Variants in IER3IP1 observed in about 807,000 individuals in gnomAD.
IER3IP1 encodes immediate early response 3 interacting protein 1.
In IER3IP1, 16 loss-of-function variants were observed where a neutral mutation model predicts 12.2. That is an observed-to-expected ratio of 1.31 (90% confidence interval 0.89 to 1.99). The LOEUF is 1.99. Ranked by LOEUF, IER3IP1 falls within the 30% of genes most tolerant of loss-of-function variation. The pLI is 0.00. For missense variants in IER3IP1, 95 were observed against 95.8 expected (o/e 0.99, Z 0.03); for synonymous variants, 42 against 40.0 (o/e 1.05, Z -0.19).
intron 1 of IER3IP1, among the ~76,000 whole-genome samples, chr18:47,159,980 G>A (rs2063974674): frequency 6.6e-6 from 1 of 152,114 alleles, no homozygotes; most frequent in African/African-American, 2.4e-5. Context: ...CGGATCACCT[G>A]AGGTCGGGAG....
chr18:47,173,281 G>A (rs2064020867), intron 1 of IER3IP1, among the ~76,000 whole-genome samples: 1 of 152,154 alleles, frequency 6.6e-6, no homozygotes, highest in South Asian at 2.1e-4. Flanking sequence ...AACCCAGAGG[G>A]CCAAGAGATC....
At chr18:47,168,600 T>A (rs990101318) in intron 1 of IER3IP1, among the ~76,000 whole-genome samples, 1 of 152,224 alleles carries the variant, frequency 6.6e-6, no homozygotes, top group Admixed American at 6.5e-5. Context: ...CCACAGTTCA[T>A]TCTTTTTCAT....
At position 47,155,194 on chromosome 18, in the gene IER3IP1, C is replaced by T. The variant is rs1455736358; in HGVS notation, c.*983G>A. The T allele has an allele frequency of 3.9e-5, 6 of 152,134 alleles. No individual in the cohort carries two copies. The highest frequency in any genetic ancestry group is 1.2e-4 in the African/African-American group (5 of 41,424). 9.4% of individuals were successfully genotyped at this position (152,134 alleles called of 1,614,324 possible). The stretch of plus-strand genomic sequence containing the variant: ...AAAACTGTATTATGAGATAGGCAAA[C>T]AATCTCACAAGATGGTCTGAGACAT... On this transcript the variant is annotated 3_prime_UTR_variant, in exon 3 of 3. Coordinates refer to ENST00000256433, the MANE Select transcript of IER3IP1 (RefSeq NM_016097.5).
intron 1 of IER3IP1, among the ~76,000 whole-genome samples, chr18:47,164,406 T>C (rs996645203): frequency 6.6e-6 from 1 of 151,904 alleles, no homozygotes; most frequent in Admixed American, 6.6e-5. Context: ...CTAAAACAAA[T>C]AGTTTACCCT....
At chr18:47,175,445 A>G (rs1024336880) in intron 1 of IER3IP1, among the ~76,000 whole-genome samples, 3 of 139,110 alleles carry the variant, frequency 2.2e-5, no homozygotes, top group African/African-American at 8.2e-5. Context: ...CTTCCCCTCC[A>G]CACCCAACTC....
rs943846309 is a variant in IER3IP1, at chr18:47,157,211, T to C, written c.193+225A>G. On this transcript the variant is annotated intron_variant, in intron 2 of 2. Transcript: ENST00000256433. ...ACAGGTAACACACAAACAGATTATA[T>C]GTATTATACTAAGCATTCTATTTGT... The C allele has an allele frequency of 7.3e-6, 4 of 551,248 alleles. No homozygotes were observed. The African/African-American group carries it at 7.6e-5, about 10-fold the overall frequency. 34.1% of individuals were successfully genotyped at this position (551,248 alleles called of 1,614,324 possible).
chr18:47,163,512 G>A (rs542895510), intron 1 of IER3IP1, among the ~76,000 whole-genome samples: 2 of 152,300 alleles, frequency 1.3e-5, no homozygotes, highest in South Asian at 4.1e-4. Context: ...GTGATTGACT[G>A]CATGTAACTG....
rs1600005869 is a variant in IER3IP1 at position 47,176,278 on chromosome 18, G to A, written c.-1C>T. 1.2e-6 allele frequency: 2 copies of A among 1,602,256 alleles called. No individual in the cohort carries two copies. The highest frequency in any genetic ancestry group is 1.3e-5 in the African/African-American group (1 of 74,798). ...GCAGTGAGTACAGGGTAAAGGCCAT[G>A]GCCGTCCGAGGCCGCCCCGAAGTCC... is the stretch of plus-strand genomic sequence containing the variant. On this transcript the variant is annotated 5_prime_UTR_variant, in exon 1 of 3. Transcript: ENST00000256433.
In IER3IP1 at chr18:47,155,981, T is replaced by G. The variant is rs2063957291; in HGVS notation, c.*196A>C. ...TGGAGAGTTACTGCCTTTCATGATC[T>G]GATCTTTTGTAATGAAACTACAAGT... On this transcript the variant is annotated 3_prime_UTR_variant, in exon 3 of 3. Coordinates refer to ENST00000256433, the MANE Select transcript of IER3IP1 (RefSeq NM_016097.5). The G allele has an allele frequency of 7.2e-6, 4 of 552,478 alleles. No individual in the cohort carries two copies. The East Asian group carries it at 1.2e-4, about 17-fold the overall frequency. 34.2% of individuals were successfully genotyped at this position (552,478 alleles called of 1,614,324 possible).
At position 47,176,307 on chromosome 18, in the gene IER3IP1, C is replaced by A; in HGVS notation, c.-30G>T. ...GTCCGAGGCCGCCCCGAAGTCCAAGCGATTTCTCTCCCGCCGCCGCAAGGG... is the reference window on the plus strand; with the variant it reads ...GTCCGAGGCCGCCCCGAAGTCCAAGAGATTTCTCTCCCGCCGCCGCAAGGG... On this transcript the variant is annotated 5_prime_UTR_variant, in exon 1 of 3. Transcript: ENST00000256433. 3.8e-6 allele frequency: 6 copies of A among 1,566,092 alleles called. No homozygotes were observed. The highest frequency in any genetic ancestry group is 1.7e-6 in the Non-Finnish European group (2 of 1,150,156).
At chr18:47,165,657 CT>C (rs1266591069) in intron 1 of IER3IP1, among the ~76,000 whole-genome samples, 22 of 151,950 alleles carry the variant, frequency 1.4e-4, no homozygotes, top group Admixed American at 2.0e-4. Context: ...TCAACAAAAG[CT>C]TTTTAAAATT....
intron 1 of IER3IP1, among the ~76,000 whole-genome samples, chr18:47,158,330 C>CT (rs981030563): frequency 9.9e-5 from 15 of 151,218 alleles, no homozygotes; most frequent in Non-Finnish European, 1.6e-4. Flanking sequence ...GTATTTCTTT[C>CT]TTTTTTTTTA....
At chr18:47,174,168 G>A (rs1046956842) in intron 1 of IER3IP1, among the ~76,000 whole-genome samples, 9 of 152,188 alleles carry the variant, frequency 5.9e-5, no homozygotes, top group African/African-American at 2.2e-4. Context: ...AACTCTGGAA[G>A]ATGACATTTG....
chr18:47,167,403 A>C (rs949513446), intron 1 of IER3IP1, among the ~76,000 whole-genome samples: 6 of 152,190 alleles, frequency 3.9e-5, no homozygotes, highest in African/African-American at 1.4e-4. Context: ...CACCTGCACA[A>C]ATTTTGGAAA....
Position 47,154,628 on chromosome 18 carries a change from A to G in IER3IP1, c.*1549T>C, listed in dbSNP as rs2063951940. 1 of 152,232 alleles carries G rather than the reference A, an allele frequency of 6.6e-6. No individual in the cohort carries two copies. Among genetic ancestry groups the G allele is most frequent in the Non-Finnish European group, 1.5e-5 (1 of 68,048 alleles). The allele number at this position is 152,232 out of a possible 1,614,324, so 9.4% of individuals were successfully genotyped here. A position where few individuals can be genotyped will look rare whatever the true frequency, so the allele number is the denominator to read the frequency against. Reference sequence around the variant, plus strand: ...CAGTAGCTCAAACTTGAACTCAGGCATCAGTTCTTTGTAAGGCTAAAAGAA... The same window carrying G: ...CAGTAGCTCAAACTTGAACTCAGGCGTCAGTTCTTTGTAAGGCTAAAAGAA... On this transcript the variant is annotated 3_prime_UTR_variant, in exon 3 of 3. Coordinates refer to ENST00000256433, the MANE Select transcript of IER3IP1 (RefSeq NM_016097.5).
chr18:47,164,248 G>C (rs116004974), intron 1 of IER3IP1, among the ~76,000 whole-genome samples: 2,476 of 151,940 alleles, frequency 0.016, 63 homozygotes, highest in African/African-American at 0.057. Flanking sequence ...GTTAATTGCA[G>C]CCCAGTCTCT....
Position 47,176,310 on chromosome 18 carries a change from T to A in IER3IP1, c.-33A>T, listed in dbSNP as rs1333501017. On this transcript the variant is annotated 5_prime_UTR_variant, in exon 1 of 3. Coordinates refer to ENST00000256433, the MANE Select transcript of IER3IP1 (RefSeq NM_016097.5). ...CGAGGCCGCCCCGAAGTCCAAGCGA[T>A]TTCTCTCCCGCCGCCGCAAGGGACG... is the stretch of plus-strand genomic sequence containing the variant. 3.2e-6 allele frequency: 5 copies of A among 1,559,894 alleles called. No homozygotes were observed. The African/African-American group carries it at 6.8e-5, about 21-fold the overall frequency.
Position 47,157,541 on chromosome 18 carries a change from T to A in IER3IP1, c.92-4A>T. 6.2e-7 allele frequency: 1 copy of A among 1,613,006 alleles called. No homozygotes were observed. On this transcript the variant is annotated splice_polypyrimidine_tract_variant and splice_region_variant and intron_variant, in intron 1 of 2. Transcript: ENST00000256433. Reference sequence around the variant, plus strand: ...CCCTGGTCTGTTCCCCAGCCAACTGTATAATGTAAAGATTAGCTGTGTTAA... The same window carrying A: ...CCCTGGTCTGTTCCCCAGCCAACTGAATAATGTAAAGATTAGCTGTGTTAA...
chr18:47,167,044 T>A (rs938059805), intron 1 of IER3IP1, among the ~76,000 whole-genome samples: 1 of 152,020 alleles, frequency 6.6e-6, no homozygotes, highest in Admixed American at 6.6e-5. Flanking sequence ...ATTCTAATAG[T>A]TTGTAGCAGT....
Sources: allele counts gnomAD v4.1 joint callset (sites outside exome capture counted in the v4.1 genomes callset), GRCh38; gene constraint gnomAD v4.1.1; transcripts MANE v1.5; gene names NCBI Gene and HGNC (gene_info 2026-07-23, HGNC 2026-07-21).